Variants in KIRREL3 observed in about 807,000 individuals in gnomAD.
KIRREL3 encodes the protein kin of IRRE-like protein 3.
KIRREL3 carries 36 observed loss-of-function variants against 89.7 expected under a neutral mutation model. That is an observed-to-expected ratio of 0.40 (90% CI 0.31 to 0.53). The LOEUF is 0.53. KIRREL3 is among the 20% of genes least tolerant of loss of function. KIRREL3 has a pLI of 0.49. For synonymous variants in KIRREL3, 445 were observed against 441.4 expected (o/e 1.01, Z -0.10); for missense variants, 864 against 1,056.6 (o/e 0.82, Z 2.53).
At chr11:126,833,117 T>C (rs1051886334) in intron 1 of KIRREL3, among the ~76,000 whole-genome samples, 1 of 152,200 alleles carries the variant, frequency 6.6e-6, no homozygotes, top group African/African-American at 2.4e-5. Context: ...CCTAGATGCT[T>C]GTCTCCAACT....
chr11:126,839,540 A>G (rs768755524), intron 1 of KIRREL3, among the ~76,000 whole-genome samples: 1 of 152,176 alleles, frequency 6.6e-6, no homozygotes, highest in Non-Finnish European at 1.5e-5. Flanking sequence ...GAAATGCCGC[A>G]TTGGTTCCAG....
At chr11:126,552,550 GTTT>G (rs59392843) in intron 2 of KIRREL3, among the ~76,000 whole-genome samples, 13 of 81,738 alleles carry the variant, frequency 1.6e-4, no homozygotes, top group African/African-American at 4.3e-4. Flanking sequence ...AGAGAGAAAA[GTTT>G]TTTTTTTTTT....
intron 1 of KIRREL3, among the ~76,000 whole-genome samples, chr11:126,586,164 T>C (rs1364853238): frequency 6.6e-6 from 1 of 152,176 alleles, no homozygotes; most frequent in Non-Finnish European, 1.5e-5. Flanking sequence ...CAGCGCACAT[T>C]AGGGAAAACA....
rs552817047 is a variant in KIRREL3, at chr11:126,587,396, C to A, written c.56-24484G>T. On this transcript the variant is annotated intron_variant, in intron 1 of 16. Transcript: ENST00000525144. The surrounding 1 kb of genome is among the most constrained non-coding windows in gnomAD (Gnocchi z 5.2). The stretch of plus-strand genomic sequence containing the variant: ...GTGAGGCATGAGGCAGAGAGGTAAG[C>A]CAGGAGTAGTTTGCAGACCCCTGGC... Among the ~76,000 whole-genome samples, 1 of 152,234 alleles carries A rather than the reference C, an allele frequency of 6.6e-6. No individual in the cohort carries two copies. Among genetic ancestry groups the A allele is most frequent in the African/African-American group, 2.4e-5 (1 of 41,548 alleles).
At chr11:126,540,504 C>T (rs1938277783) in intron 2 of KIRREL3, among the ~76,000 whole-genome samples, 1 of 152,144 alleles carries the variant, frequency 6.6e-6, no homozygotes, top group African/African-American at 2.4e-5. Flanking sequence ...AGCAATCGGG[C>T]TGGCCGAGGC....
chr11:126,584,472 C>G (rs1481733595), intron 1 of KIRREL3, among the ~76,000 whole-genome samples: 1 of 152,212 alleles, frequency 6.6e-6, no homozygotes, highest in Non-Finnish European at 1.5e-5. Flanking sequence ...ACAAAGCCCC[C>G]AGTAGTCTGA....
chr11:126,549,524 T>C (rs1939090421), intron 2 of KIRREL3: 2 of 152,318 alleles, frequency 1.3e-5, no homozygotes, highest in South Asian at 2.1e-4. Context: ...CTAAAAACTT[T>C]ATGGCACCGC....
At chr11:126,798,466 A>G (rs1950884329) in intron 1 of KIRREL3, among the ~76,000 whole-genome samples, 1 of 152,230 alleles carries the variant, frequency 6.6e-6, no homozygotes, top group Admixed American at 6.5e-5. Flanking sequence ...CATTTTGGAA[A>G]TAATTTTCCA....
chr11:126,525,592 G>A lies in KIRREL3; in HGVS notation c.283+946C>T, dbSNP rs1408171010. Among the ~76,000 whole-genome samples, 1 of 152,124 alleles carries A rather than the reference G, an allele frequency of 6.6e-6. No homozygotes were observed. Among genetic ancestry groups the A allele is most frequent in the Non-Finnish European group, 1.5e-5 (1 of 68,036 alleles). On this transcript the variant is annotated intron_variant, in intron 3 of 16. Transcript: ENST00000525144. This position sits in a 1 kb window ranked among gnomAD's most constrained non-coding sequence, Gnocchi z 5.4. ...AGTGCACTTCGATTTTTATTTTCCT[G>A]CAGCTGTACACCATGCGAGAGGCAA...
At position 126,676,497 on chromosome 11, in the gene KIRREL3, T is replaced by G. The variant is rs1946194247; in HGVS notation, c.56-113585A>C. On this transcript the variant is annotated intron_variant, in intron 1 of 16. Coordinates refer to ENST00000525144, the MANE Select transcript of KIRREL3 (RefSeq NM_032531.4). This position sits in a 1 kb window ranked among gnomAD's most constrained non-coding sequence, Gnocchi z 4.5. Reference sequence around the variant, plus strand: ...GACCAGTGTTTCTCAAATTTGCACCTGCAGATGTTGTATTGTTTTGTTTTG... The same window carrying G: ...GACCAGTGTTTCTCAAATTTGCACCGGCAGATGTTGTATTGTTTTGTTTTG... 6.6e-6 allele frequency among the ~76,000 whole-genome samples: 1 copy of G among 152,156 alleles called. No homozygotes were observed. Among genetic ancestry groups the G allele is most frequent in the African/African-American group, 2.4e-5 (1 of 41,446 alleles).
chr11:126,817,574 C>A lies in KIRREL3; in HGVS notation c.55+182881G>T, dbSNP rs565976984. On this transcript the variant is annotated intron_variant, in intron 1 of 16. Transcript: ENST00000525144. The surrounding 1 kb of genome is among the most constrained non-coding windows in gnomAD (Gnocchi z 5.7). The stretch of plus-strand genomic sequence containing the variant: ...CCTGCTCGGTACTCCCTGTCCCATG[C>A]CCAGAAGGGGATGCCTTGCTTTCTC... Among the ~76,000 whole-genome samples the A allele has an allele frequency of 6.6e-6, 1 of 152,188 alleles. No individual in the cohort carries two copies. Among genetic ancestry groups the A allele is most frequent in the Non-Finnish European group, 1.5e-5 (1 of 68,026 alleles).
At chr11:126,982,111 C>A (rs763063887) in intron 1 of KIRREL3, among the ~76,000 whole-genome samples, 2 of 152,194 alleles carry the variant, frequency 1.3e-5, no homozygotes, top group Admixed American at 6.5e-5. Context: ...CTCCCACCTG[C>A]AACTGTTTAA....
rs554514954 is a variant in KIRREL3, at chr11:126,811,342, T to A, written c.55+189113A>T. Among the ~76,000 whole-genome samples, 44 of 152,362 alleles carry A rather than the reference T, an allele frequency of 2.9e-4. No homozygotes were observed. The highest frequency in any genetic ancestry group is 8.3e-4 in the South Asian group (4 of 4,824). The stretch of plus-strand genomic sequence containing the variant: ...GTTATGGAGCTACGAGGTCCTTGTC[T>A]GAATTCTCCGTGTGGTTGCTGGCCT... On this transcript the variant is annotated intron_variant, in intron 1 of 16. Coordinates refer to ENST00000525144, the MANE Select transcript of KIRREL3 (RefSeq NM_032531.4). The surrounding 1 kb of genome is among the most constrained non-coding windows in gnomAD (Gnocchi z 4.3).
In KIRREL3 at chr11:126,763,599, G is replaced by A. The variant is rs1337583211; in HGVS notation, c.56-200687C>T. Among the ~76,000 whole-genome samples the A allele has an allele frequency of 1.3e-5, 2 of 152,220 alleles. No individual in the cohort carries two copies. Among genetic ancestry groups the A allele is most frequent in the African/African-American group, 2.4e-5 (1 of 41,456 alleles). ...CCAGGCTGAGGGACCAAGGCCCAGC[G>A]AGAGTAGGTGGTAGGTAGGCAATGG... On this transcript the variant is annotated intron_variant, in intron 1 of 16. Coordinates refer to ENST00000525144, the MANE Select transcript of KIRREL3 (RefSeq NM_032531.4). This position sits in a 1 kb window ranked among gnomAD's most constrained non-coding sequence, Gnocchi z 4.7.
In KIRREL3 at chr11:126,807,279, A is replaced by G. The variant is rs961404211; in HGVS notation, c.55+193176T>C. Among the ~76,000 whole-genome samples, 7 of 152,214 alleles carry G rather than the reference A, an allele frequency of 4.6e-5. No individual in the cohort carries two copies. The highest frequency in any genetic ancestry group is 7.2e-5 in the African/African-American group (3 of 41,456). On this transcript the variant is annotated intron_variant, in intron 1 of 16. Transcript: ENST00000525144. The surrounding 1 kb of genome is among the most constrained non-coding windows in gnomAD (Gnocchi z 4.3). ...AAGAAATGTCATCTGAAATTTTACA[A>G]TGGAGCACAGGAAATTGCCAGGTCA...
rs1945155007 is a variant in KIRREL3, at chr11:126,656,703, T to C, written c.56-93791A>G. Among the ~76,000 whole-genome samples, 1 of 152,230 alleles carries C rather than the reference T, an allele frequency of 6.6e-6. No individual in the cohort carries two copies. The highest frequency in any genetic ancestry group is 1.5e-5 in the Non-Finnish European group (1 of 68,040). On this transcript the variant is annotated intron_variant, in intron 1 of 16. Coordinates refer to ENST00000525144, the MANE Select transcript of KIRREL3 (RefSeq NM_032531.4). This position sits in a 1 kb window ranked among gnomAD's most constrained non-coding sequence, Gnocchi z 4.0. ...ATTTCTCCGTATCTTTAGCACAGTTTGGTGATGACTTTTAAGCTTTGACAT... is the reference window on the plus strand; with the variant it reads ...ATTTCTCCGTATCTTTAGCACAGTTCGGTGATGACTTTTAAGCTTTGACAT...
intron 1 of KIRREL3, among the ~76,000 whole-genome samples, chr11:126,967,214 G>T (rs901725538): frequency 6.6e-6 from 1 of 152,136 alleles, no homozygotes; most frequent in Non-Finnish European, 1.5e-5. Flanking sequence ...CTCTTTGTGC[G>T]TAACACTGTT....
At chr11:126,911,192 C>T (rs1272169068) in intron 1 of KIRREL3, among the ~76,000 whole-genome samples, 2 of 152,202 alleles carry the variant, frequency 1.3e-5, no homozygotes, top group East Asian at 3.9e-4. Context: ...CTAGACATGG[C>T]CCCTCCAAGT....
rs61899057 is a variant in KIRREL3 at position 126,655,401 on chromosome 11, C to T, written c.56-92489G>A. Among the ~76,000 whole-genome samples the T allele has an allele frequency of 0.11, 17,021 of 152,128 alleles. 1,084 individuals are homozygous for T. Among genetic ancestry groups the T allele is most frequent in the East Asian group, 0.28 (1,448 of 5,162 alleles). On this transcript the variant is annotated intron_variant, in intron 1 of 16. Coordinates refer to ENST00000525144, the MANE Select transcript of KIRREL3 (RefSeq NM_032531.4). The surrounding 1 kb of genome is among the most constrained non-coding windows in gnomAD (Gnocchi z 5.0). ...GCACAGCTCTCTGCTCTGACAAATG[C>T]CTCCTTTGTCTCCCTGAAAAGCCTG...
Sources: gnomAD v4.1 joint callset for allele counts (sites outside exome capture counted in the v4.1 genomes callset) on GRCh38, gnomAD v4.1.1 for gene constraint, Gnocchi (gnomAD v3.1) non-coding constraint, MANE v1.5 for transcripts, NCBI Gene and HGNC (gene_info 2026-07-23, HGNC 2026-07-21) for gene names.